MPP7: variants seen among roughly 807,000 people sequenced by gnomAD.
The protein encoded by MPP7 is MAGUK p55 subfamily member 7.
A neutral mutation model predicts 76.5 loss-of-function variants in MPP7; 60 were observed. The ratio of observed to expected loss-of-function variants is 0.78; its 90% confidence interval spans 0.64 to 0.97. The LOEUF is 0.97. Among genes scored for constraint, MPP7 ranks in the 50% least tolerant of loss-of-function variants. MPP7 has a pLI of 0.00. For synonymous variants in MPP7, 237 were observed against 244.5 expected (o/e 0.97, Z 0.29); for missense variants, 641 against 694.0 (o/e 0.92, Z 0.86).
chr10:28,179,144 C>A (rs567967660), intron 3 of MPP7, among the ~76,000 whole-genome samples: 1 of 152,300 alleles, frequency 6.6e-6, no homozygotes, highest in South Asian at 2.1e-4. Context: ...CAACCCCACA[C>A]TAACCTCATC....
intron 11 of MPP7, among the ~76,000 whole-genome samples, chr10:28,109,416 T>A (rs1419107898): frequency 6.6e-6 from 1 of 152,210 alleles, no homozygotes; most frequent in Non-Finnish European, 1.5e-5. Context: ...TGTGTAAAAT[T>A]GCTTAGTGCC....
intron 11 of MPP7, among the ~76,000 whole-genome samples, chr10:28,112,285 A>C (rs1207146931): frequency 6.6e-6 from 1 of 152,230 alleles, no homozygotes; most frequent in Non-Finnish European, 1.5e-5. Flanking sequence ...CTCCATTATA[A>C]AGTGGGTTGT....
Position 28,053,871 on chromosome 10 carries a change from T to C in MPP7, c.*194A>G. 1 of 602,106 alleles carries C rather than the reference T, an allele frequency of 1.7e-6. No homozygotes were observed. The highest frequency in any genetic ancestry group is 2.9e-6 in the Non-Finnish European group (1 of 343,144). The allele number at this position is 602,106 out of a possible 1,614,324, so 37.3% of individuals were successfully genotyped here. On this transcript the variant is annotated 3_prime_UTR_variant, in exon 17 of 17. Coordinates refer to ENST00000683449, the MANE Select transcript of MPP7 (RefSeq NM_001318170.2). ...TTAGAATACAGTACTGTGCATATTT[T>C]GATTTCGGATCTTATACTAACACAT...
rs549825821 is a variant in MPP7 at position 28,180,478 on chromosome 10, T to C, written c.156+21675A>G. Among the ~76,000 whole-genome samples the C allele has an allele frequency of 1.8e-3, 267 of 152,348 alleles. 9 individuals carry two copies. The South Asian group carries it at 0.053, about 30-fold the overall frequency. ...TTCTACAGCGCAACTGTTAGATCAA[T>C]AGCAACTACCTAAAAGTAATTAGCC... On this transcript the variant is annotated intron_variant, in intron 3 of 16. Transcript: ENST00000683449.
chr10:28,232,569 C>T (rs550016305), intron 2 of MPP7, among the ~76,000 whole-genome samples: 101 of 152,194 alleles, frequency 6.6e-4, no homozygotes, highest in African/African-American at 1.6e-3. Context: ...TTCTATAATA[C>T]GTGTTATATG....
intron 1 of MPP7, among the ~76,000 whole-genome samples, chr10:28,261,326 A>G (rs990417232): frequency 2.6e-5 from 4 of 152,164 alleles, no homozygotes; most frequent in Non-Finnish European, 5.9e-5. Flanking sequence ...TTTATCACAA[A>G]CATACTTCCC....
chr10:28,266,841 CATT>C (rs1344658245), intron 1 of MPP7, among the ~76,000 whole-genome samples: 1 of 152,188 alleles, frequency 6.6e-6, no homozygotes, highest in African/African-American at 2.4e-5. Flanking sequence ...CTTTGAGCAT[CATT>C]AACTTTATGT....
intron 15 of MPP7, chr10:28,057,873 G>C: frequency 8.2e-7 from 1 of 1,216,498 alleles, no homozygotes; most frequent in Non-Finnish European, 1.0e-6. Context: ...AAAATGCTGT[G>C]GGCTGGGGAT....
intron 1 of MPP7, among the ~76,000 whole-genome samples, chr10:28,298,378 T>G (rs937185335): frequency 6.6e-6 from 1 of 152,208 alleles, no homozygotes; most frequent in Non-Finnish European, 1.5e-5. Flanking sequence ...ATGAAAACAT[T>G]AATTTCCTTG....
At chr10:28,271,911 G>A (rs529342120) in intron 1 of MPP7, among the ~76,000 whole-genome samples, 55 of 152,238 alleles carry the variant, frequency 3.6e-4, no homozygotes, top group African/African-American at 1.3e-3. Context: ...GGAGGCAGAG[G>A]TTGCAGTGAG....
intron 1 of MPP7, among the ~76,000 whole-genome samples, chr10:28,282,827 C>G (rs2133103554): frequency 6.6e-6 from 1 of 151,904 alleles, no homozygotes; most frequent in East Asian, 1.9e-4. Flanking sequence ...CCAACCTGAC[C>G]CCCACAACAA....
At chr10:28,315,981 G>T (rs1249500) in intron 2 of MPP7, among the ~76,000 whole-genome samples, 17,661 of 152,086 alleles carry the variant, frequency 0.12, 1,443 homozygotes, top group African/African-American at 0.23. Flanking sequence ...TTTACAATAG[G>T]CTTGACCAGT....
At chr10:28,251,336 C>T (rs544449668) in intron 1 of MPP7, among the ~76,000 whole-genome samples, 5 of 152,016 alleles carry the variant, frequency 3.3e-5, no homozygotes, top group Non-Finnish European at 7.4e-5. Flanking sequence ...GTGGTACATG[C>T]CTGTAGTCCC....
chr10:28,279,661 C>T (rs968388775), intron 1 of MPP7, among the ~76,000 whole-genome samples: 1 of 150,970 alleles, frequency 6.6e-6, no homozygotes, highest in Non-Finnish European at 1.5e-5. Flanking sequence ...GCTGAGATTG[C>T]GTCACTGCAC....
chr10:28,307,453 C>G (rs995131736), upstream of MPP7: 8 of 152,318 alleles, frequency 5.3e-5, no homozygotes, highest in Admixed American at 3.9e-4. Context: ...AACTAGCCTG[C>G]TGCTCTGGGC....
chr10:28,309,198 G>A (rs1428105147), intron 2 of MPP7, among the ~76,000 whole-genome samples: 1 of 152,156 alleles, frequency 6.6e-6, no homozygotes, highest in Non-Finnish European at 1.5e-5. Flanking sequence ...CACATCACCT[G>A]AGGTCAGGAG....
intron 2 of MPP7, among the ~76,000 whole-genome samples, chr10:28,213,193 G>C (rs1393930577): frequency 6.6e-6 from 1 of 152,066 alleles, no homozygotes; most frequent in African/African-American, 2.4e-5. Context: ...TCCCACCATA[G>C]CCTTCTGAAG....
In MPP7 at chr10:28,080,088, G is replaced by C. The variant is rs1404818250; in HGVS notation, c.1123+9583C>G. On this transcript the variant is annotated intron_variant, in intron 12 of 16. Coordinates refer to ENST00000683449, the MANE Select transcript of MPP7 (RefSeq NM_001318170.2). The stretch of plus-strand genomic sequence containing the variant: ...GGGGGAGGGGGAGGGAGGGAGAGGG[G>C]AGGGGAAAAGGAAAGGAAAGGAAAG... 1.5e-5 allele frequency among the ~76,000 whole-genome samples: 2 copies of C among 132,442 alleles called. 1 individual carries two copies. The highest frequency in any genetic ancestry group is 1.6e-4 in the Admixed American group (2 of 12,534). 86.9% of individuals were successfully genotyped at this position (132,442 alleles called of 152,430 possible). A position where few individuals can be genotyped will look rare whatever the true frequency, so the allele number is the denominator to read the frequency against.
chr10:28,059,740 G>GT lies in MPP7; in HGVS notation c.1207dup (p.Thr403AsnfsTer11). On this transcript the variant is annotated frameshift_variant, in exon 14 of 17. Transcript: ENST00000683449. LOFTEE classifies it high-confidence loss of function. ...CTCCTGGCTTCTTCTTGCTCTGGTGGTATCTATGATTTAATGAAAAGGAGT... is the reference window on the plus strand; with the variant it reads ...CTCCTGGCTTCTTCTTGCTCTGGTGGTTATCTATGATTTAATGAAAAGGAGT... 6.2e-7 allele frequency: 1 copy of GT among 1,608,284 alleles called. No individual in the cohort carries two copies. Among genetic ancestry groups the GT allele is most frequent in the South Asian group, 1.1e-5 (1 of 90,662 alleles).
Sources: gnomAD v4.1 joint callset for allele counts (sites outside exome capture counted in the v4.1 genomes callset) on GRCh38, gnomAD v4.1.1 for gene constraint, MANE v1.5 for transcripts, NCBI Gene and HGNC (gene_info 2026-07-23, HGNC 2026-07-21) for gene names.